STAT4: variants seen among roughly 807,000 people sequenced by gnomAD.
STAT4 encodes the protein signal transducer and activator of transcription 4.
A neutral mutation model predicts 110.5 loss-of-function variants in STAT4; 42 were observed. The ratio of observed to expected loss-of-function variants is 0.38; its 90% CI spans 0.30 to 0.49. The LOEUF is 0.49. Among genes scored for constraint, STAT4 ranks in the 20% least tolerant of loss-of-function variants. The probability of loss-of-function intolerance (pLI) is 0.95; values close to 1 mark genes in which losing one functional copy is unlikely to be tolerated. For synonymous variants in STAT4, 284 were observed against 302.2 expected (o/e 0.94, Z 0.63); for missense variants, 632 against 887.9 (o/e 0.71, Z 3.66).
intron 3 of STAT4, among the ~76,000 whole-genome samples, chr2:191,123,204 G>A (rs1273136206): frequency 6.6e-6 from 1 of 152,148 alleles, no homozygotes; most frequent in East Asian, 1.9e-4. Context: ...TTTTGTTTGA[G>A]GAACTTCAAG....
rs1453657880 is a variant in STAT4, at chr2:191,135,229, G to C, written c.273+11384C>G. Reference sequence around the variant, plus strand: ...AAATGAAAAAGGAGACATTACAACTGACATCACGAAAATATAAAAGATCAT... The same window carrying C: ...AAATGAAAAAGGAGACATTACAACTCACATCACGAAAATATAAAAGATCAT... On this transcript the variant is annotated intron_variant, in intron 3 of 23. Coordinates refer to ENST00000392320, the MANE Select transcript of STAT4 (RefSeq NM_003151.4). The surrounding 1 kb of genome is among the most constrained non-coding windows in gnomAD (Gnocchi z 4.8). Among the ~76,000 whole-genome samples, 1 of 152,066 alleles carries C rather than the reference G, an allele frequency of 6.6e-6. No individual in the cohort carries two copies. Among genetic ancestry groups the C allele is most frequent in the East Asian group, 1.9e-4 (1 of 5,196 alleles).
Position 191,112,681 on chromosome 2 carries a change from T to C in STAT4, c.273+33932A>G, listed in dbSNP as rs1240084225. 1.3e-5 allele frequency among the ~76,000 whole-genome samples: 2 copies of C among 152,078 alleles called. No individual in the cohort carries two copies. Among genetic ancestry groups the C allele is most frequent in the African/African-American group, 2.4e-5 (1 of 41,404 alleles). ...CCTCATTTTTGACAACTTTGTGAGG[T>C]GTTATTATTACTCCATTTCTGCAGT... On this transcript the variant is annotated intron_variant, in intron 3 of 23. Coordinates refer to ENST00000392320, the MANE Select transcript of STAT4 (RefSeq NM_003151.4). The surrounding 1 kb of genome is among the most constrained non-coding windows in gnomAD (Gnocchi z 4.3).
chr2:191,105,718 T>C lies in STAT4; in HGVS notation c.274-29393A>G, dbSNP rs373198977. ...TTTGTATTCCGTAGTTTTCACTTAA[T>C]GTATTTCCACATCATTAGTCTTCAA... On this transcript the variant is annotated intron_variant, in intron 3 of 23. Coordinates refer to ENST00000392320, the MANE Select transcript of STAT4 (RefSeq NM_003151.4). Among the ~76,000 whole-genome samples the C allele has an allele frequency of 1.7e-4, 26 of 152,380 alleles. No homozygotes were observed. The East Asian group carries it at 4.8e-3, about 28-fold the overall frequency.
intron 1 of STAT4, among the ~76,000 whole-genome samples, chr2:191,148,975 G>A (rs1252114592): frequency 1.3e-5 from 2 of 152,074 alleles, no homozygotes; most frequent in Non-Finnish European, 2.9e-5. Flanking sequence ...TACCTATTTG[G>A]CAGCCTGTCA....
In STAT4 at chr2:191,113,471, G is replaced by A. The variant is rs1698483123; in HGVS notation, c.273+33142C>T. Among the ~76,000 whole-genome samples, 1 of 152,182 alleles carries A rather than the reference G, an allele frequency of 6.6e-6. No individual in the cohort carries two copies. The highest frequency in any genetic ancestry group is 1.5e-5 in the Non-Finnish European group (1 of 68,032). On this transcript the variant is annotated intron_variant, in intron 3 of 23. Transcript: ENST00000392320. This position sits in a 1 kb window ranked among gnomAD's most constrained non-coding sequence, Gnocchi z 4.8. ...AGAAGGAAAAGTGCTGAATTTGACA[G>A]AATGAAACAGCATTGGATATAAATA... is the stretch of plus-strand genomic sequence containing the variant.
chr2:191,138,967 A>G lies in STAT4; in HGVS notation c.273+7646T>C, dbSNP rs1276704207. On this transcript the variant is annotated intron_variant, in intron 3 of 23. Transcript: ENST00000392320. This position sits in a 1 kb window ranked among gnomAD's most constrained non-coding sequence, Gnocchi z 4.3. The stretch of plus-strand genomic sequence containing the variant: ...TTTAACACACGCAAAGTCAATAAAT[A>G]TGATACATTACATAAACAGAATTAG... 6.6e-6 allele frequency among the ~76,000 whole-genome samples: 1 copy of G among 152,210 alleles called. No individual in the cohort carries two copies. The highest frequency in any genetic ancestry group is 2.4e-5 in the African/African-American group (1 of 41,460).
intron 3 of STAT4, among the ~76,000 whole-genome samples, chr2:191,139,444 T>C (rs1559084664): frequency 6.6e-6 from 1 of 152,162 alleles, no homozygotes; most frequent in Non-Finnish European, 1.5e-5. Context: ...AGCTCTGATA[T>C]ACTCCAACAA....
chr2:191,068,086 T>C (rs1697044610), intron 6 of STAT4: 1 of 152,202 alleles, frequency 6.6e-6, no homozygotes, highest in African/African-American at 2.4e-5. Context: ...AAGGATATAA[T>C]AGCTTGTTTC....
At chr2:191,081,773 G>A (rs1697487607) in intron 3 of STAT4, among the ~76,000 whole-genome samples, 1 of 152,146 alleles carries the variant, frequency 6.6e-6, no homozygotes, top group East Asian at 1.9e-4. Flanking sequence ...ATAGTGACAT[G>A]CTGCTTTTGA....
At position 191,138,002 on chromosome 2, in the gene STAT4, A is replaced by G. The variant is rs1318168215; in HGVS notation, c.273+8611T>C. Among the ~76,000 whole-genome samples the G allele has an allele frequency of 1.3e-5, 2 of 152,242 alleles. No individual in the cohort carries two copies. Among genetic ancestry groups the G allele is most frequent in the Non-Finnish European group, 2.9e-5 (2 of 68,042 alleles). On this transcript the variant is annotated intron_variant, in intron 3 of 23. Coordinates refer to ENST00000392320, the MANE Select transcript of STAT4 (RefSeq NM_003151.4). This position sits in a 1 kb window ranked among gnomAD's most constrained non-coding sequence, Gnocchi z 4.3. ...GCACAGAAAACAAAAACAAAAATAG[A>G]TAAATAGAACTACATTAAACTAAAA...
At chr2:191,136,024 C>CAAAA (rs1699173501) in intron 3 of STAT4, among the ~76,000 whole-genome samples, 864 of 43,604 alleles carry the variant, frequency 0.02, 41 homozygotes, top group African/African-American at 0.054. Context: ...AAAAAAAAAC[C>CAAAA]AAAAAACAAA....
chr2:191,104,930 G>A lies in STAT4; in HGVS notation c.274-28605C>T, dbSNP rs2125343525. 6.6e-6 allele frequency among the ~76,000 whole-genome samples: 1 copy of A among 152,052 alleles called. No homozygotes were observed. The highest frequency in any genetic ancestry group is 6.5e-5 in the Admixed American group (1 of 15,278). ...AGAGACAGGGTAACTGTTGGAATAG[G>A]GGCAGCTGTTTAAAAAGGAAAGGTA... On this transcript the variant is annotated intron_variant, in intron 3 of 23. Transcript: ENST00000392320. This position sits in a 1 kb window ranked among gnomAD's most constrained non-coding sequence, Gnocchi z 4.3.
chr2:191,054,674 C>T (rs1408958985), intron 13 of STAT4, 140 bp from the exon 14 acceptor site: 1 of 658,826 alleles, frequency 1.5e-6, no homozygotes, highest in African/African-American at 1.8e-5. Context: ...TCATTGAAAC[C>T]TGACACAACT....
chr2:191,129,108 C>T lies in STAT4; in HGVS notation c.273+17505G>A, dbSNP rs1698960477. Among the ~76,000 whole-genome samples, 5 of 151,450 alleles carry T rather than the reference C, an allele frequency of 3.3e-5. No homozygotes were observed. The South Asian group carries it at 1.0e-3, about 31-fold the overall frequency. Reference sequence around the variant, plus strand: ...AGAGTGCTCTTTAAATATTTGCTGACTAAATAAAATTTGCTGCATGATATT... The same window carrying T: ...AGAGTGCTCTTTAAATATTTGCTGATTAAATAAAATTTGCTGCATGATATT... On this transcript the variant is annotated intron_variant, in intron 3 of 23. Coordinates refer to ENST00000392320, the MANE Select transcript of STAT4 (RefSeq NM_003151.4).
At chr2:191,108,287 T>C (rs907457379) in intron 3 of STAT4, among the ~76,000 whole-genome samples, 8 of 142,600 alleles carry the variant, frequency 5.6e-5, no homozygotes, top group African/African-American at 1.1e-4. Context: ...TGAAACTCTA[T>C]CTCAAAAAAA....
intron 18 of STAT4, 131 bp downstream of exon 18, chr2:191,034,417 T>C (rs1367459947): frequency 2.1e-4 from 144 of 673,252 alleles, no homozygotes; most frequent in East Asian, 6.2e-4. Context: ...AGCAAGACTC[T>C]ATCTCAAAAA....
chr2:191,140,160 A>G lies in STAT4; in HGVS notation c.273+6453T>C, dbSNP rs187682419. Among the ~76,000 whole-genome samples, 131 of 152,334 alleles carry G rather than the reference A, an allele frequency of 8.6e-4. No individual in the cohort carries two copies. The highest frequency in any genetic ancestry group is 2.8e-3 in the African/African-American group (118 of 41,572). The stretch of plus-strand genomic sequence containing the variant: ...TAAAAATTCTAGAACATAACATTGG[A>G]AAAATACTTCTAGGCATTGGCTTAG... On this transcript the variant is annotated intron_variant, in intron 3 of 23. Transcript: ENST00000392320. The surrounding 1 kb of genome is among the most constrained non-coding windows in gnomAD (Gnocchi z 4.4).
rs375643948 is a variant in STAT4, at chr2:191,030,924, A to G, written c.2220+48T>C. Reference sequence around the variant, plus strand: ...CCTTTGATTCACACACCACCTTTGCATCGTTGGAAACACCTTTGACCAGCA... The same window carrying G: ...CCTTTGATTCACACACCACCTTTGCGTCGTTGGAAACACCTTTGACCAGCA... On this transcript the variant is annotated intron_variant, in intron 23 of 23. Coordinates refer to ENST00000392320, the MANE Select transcript of STAT4 (RefSeq NM_003151.4). The surrounding 1 kb of genome is among the most constrained non-coding windows in gnomAD (Gnocchi z 4.4). 2.7e-5 allele frequency: 42 copies of G among 1,560,070 alleles called. No homozygotes were observed. The highest frequency in any genetic ancestry group is 8.9e-5 in the South Asian group (8 of 89,790).
chr2:191,105,781 C>G (rs532835357), intron 3 of STAT4, among the ~76,000 whole-genome samples: 3 of 152,212 alleles, frequency 2.0e-5, no homozygotes, highest in Non-Finnish European at 4.4e-5. Flanking sequence ...ACTGAATTAT[C>G]TGGCTTGGTC....
Sources: gnomAD v4.1 joint callset for allele counts (sites outside exome capture counted in the v4.1 genomes callset) on GRCh38, gnomAD v4.1.1 for gene constraint, Gnocchi (gnomAD v3.1) non-coding constraint, MANE v1.5 for transcripts, NCBI Gene and HGNC (gene_info 2026-07-23, HGNC 2026-07-21) for gene names.